The following CSMD3 variants were observed in gnomAD, a reference collection of about 807,000 sequenced individuals.
The protein encoded by CSMD3 is CUB and sushi domain-containing protein 3.
Under a neutral mutation model 435.2 loss-of-function variants are expected in CSMD3, and 177 were observed. That is an observed-to-expected ratio of 0.41 (90% CI 0.36 to 0.46). The LOEUF (loss-of-function observed/expected upper bound fraction) is 0.46, where lower values mean the gene tolerates loss of function less well. Among genes scored for constraint, CSMD3 ranks in the 20% least tolerant of loss-of-function variants. The probability of loss-of-function intolerance (pLI) is 0.34; values close to 1 mark genes in which losing one functional copy is unlikely to be tolerated. For missense variants in CSMD3, 4,265 were observed against 4,504.6 expected (o/e 0.95, Z 1.52); for synonymous variants, 1,656 against 1,520.5 (o/e 1.09, Z -2.07).
At position 112,234,463 on chromosome 8, in the gene CSMD3, G is replaced by T. The variant is rs781298518; in HGVS notation, c.10642C>A (p.Gln3548Lys). 3 of 1,605,490 alleles carry T rather than the reference G, an allele frequency of 1.9e-6. No homozygotes were observed. In the Admixed American group the frequency reaches 5.0e-5, roughly 27 times the overall value. ...ELLLSGVYKS[Q>K]EARLMLRIYL... is the part of the protein sequence containing the mutation. ...ATGCGTAACATTAGGCGAGCTTCCT[G>T]GCTTTTATATACCCCTGTAAAATGC... Residue 3548 changes from glutamine to lysine, a missense_variant, in exon 68 of 71, where the codon CAG (glutamine) becomes AAG (lysine). Around this residue, in one of 3 missense-constraint regions of CSMD3, gnomAD observed 3,255 missense variants for 3,380.2 expected, o/e 0.96. Transcript: ENST00000297405.
intron 38 of CSMD3, among the ~76,000 whole-genome samples, chr8:112,355,229 C>A (rs565119745): frequency 9.8e-4 from 149 of 152,244 alleles, no homozygotes; most frequent in Admixed American, 2.4e-3. Context: ...AAATGTAAGA[C>A]ATCAAATTTC....
At chr8:112,805,856 A>C (rs1197746403) in intron 12 of CSMD3, among the ~76,000 whole-genome samples, 1 of 152,202 alleles carries the variant, frequency 6.6e-6, no homozygotes, top group Non-Finnish European at 1.5e-5. Flanking sequence ...AAAAAACTTA[A>C]AGAAATTTGT....
intron 10 of CSMD3, among the ~76,000 whole-genome samples, chr8:112,899,808 CAT>C (rs35343113): frequency 1.6e-4 from 23 of 143,792 alleles, no homozygotes; most frequent in East Asian, 2.0e-4. Flanking sequence ...CAACCAGTGT[CAT>C]ATATATATAT....
chr8:113,243,218 C>G (rs1347749658), intron 3 of CSMD3, among the ~76,000 whole-genome samples: 3 of 151,944 alleles, frequency 2.0e-5, no homozygotes, highest in Non-Finnish European at 4.4e-5. Flanking sequence ...TCCACACATT[C>G]TTTCTTTAAA....
At chr8:112,846,599 A>G (rs1441513268) in intron 11 of CSMD3, among the ~76,000 whole-genome samples, 1 of 151,726 alleles carries the variant, frequency 6.6e-6, no homozygotes, top group African/African-American at 2.4e-5. Context: ...TTGTAGAAAA[A>G]GGGTCTTGCT....
intron 32 of CSMD3, among the ~76,000 whole-genome samples, chr8:112,471,191 C>A (rs903973565): frequency 2.0e-5 from 3 of 152,074 alleles, no homozygotes; most frequent in Admixed American, 1.3e-4. Context: ...GCCACATGGC[C>A]TCCCAAGAAC....
Position 112,305,782 on chromosome 8 carries a change from C to G in CSMD3, c.8071+225G>C, listed in dbSNP as rs143833564. ...AACATCATTGTATAAAATAAAAGTG[C>G]CTTTTTTGACATAAATATTCTGAGG... On this transcript the variant is annotated intron_variant, in intron 51 of 70. Transcript: ENST00000297405. Among the ~76,000 whole-genome samples, 597 of 152,050 alleles carry G rather than the reference C, an allele frequency of 3.9e-3. 3 individuals are homozygous for G. Among genetic ancestry groups the G allele is most frequent in the South Asian group, 0.013 (61 of 4,812 alleles).
chr8:112,685,217 T>C (rs1426693611), intron 15 of CSMD3, among the ~76,000 whole-genome samples, 189 bp downstream of exon 15: 2 of 152,126 alleles, frequency 1.3e-5, no homozygotes, highest in Non-Finnish European at 2.9e-5. Flanking sequence ...AAAGGAAATG[T>C]ATTAATATAA....
chr8:112,298,610 T>C (rs1473400985), intron 53 of CSMD3, among the ~76,000 whole-genome samples: 1 of 152,030 alleles, frequency 6.6e-6, no homozygotes, highest in Non-Finnish European at 1.5e-5. Context: ...AACAAGAATA[T>C]GTAAAGAACT....
intron 65 of CSMD3, 62 bp from the exon 66 acceptor site, chr8:112,241,847 C>CAT: frequency 6.5e-6 from 5 of 771,998 alleles, no homozygotes; most frequent in Non-Finnish European, 1.1e-5. Flanking sequence ...CACATGCGCA[C>CAT]ACACACACAC....
intron 10 of CSMD3, among the ~76,000 whole-genome samples, chr8:112,874,240 G>A (rs185538371): frequency 6.6e-6 from 1 of 152,208 alleles, no homozygotes; most frequent in African/African-American, 2.4e-5. Flanking sequence ...TCTTAATCCC[G>A]ACTTCTAATT....
At chr8:112,968,805 G>A (rs775911889) in intron 7 of CSMD3, among the ~76,000 whole-genome samples, 54 of 151,820 alleles carry the variant, frequency 3.6e-4, no homozygotes, top group Non-Finnish European at 7.4e-4. Flanking sequence ...CCTGATAATT[G>A]ATTACTTGCT....
intron 40 of CSMD3, among the ~76,000 whole-genome samples, chr8:112,347,246 A>G (rs970637165): frequency 1.3e-5 from 2 of 152,196 alleles, no homozygotes; most frequent in African/African-American, 4.8e-5. Context: ...AGAACCCTTG[A>G]GCATATATGA....
rs2130989887 is a variant in CSMD3 at position 112,517,193 on chromosome 8, C to A, written c.4597G>T (p.Val1533Phe). The change falls in exon 28 of 71, where the codon GTC becomes TTC. Residue 1533 changes from valine (V) to phenylalanine (F), a missense_variant. Coordinates refer to ENST00000297405, the MANE Select transcript of CSMD3 (RefSeq NM_198123.2). ...SVATACRDPGVPMNGTRNGDG... is the reference protein window; with the variant it reads ...SVATACRDPGFPMNGTRNGDG... ...CCATTTCGAGTCCCATTCATGGGGA[C>A]CCCTGGGTCACGACACGCAGTGGCA... is the stretch of plus-strand genomic sequence containing the variant. The A allele has an allele frequency of 6.2e-7, 1 of 1,613,596 alleles. No individual in the cohort carries two copies. Among genetic ancestry groups the A allele is most frequent in the South Asian group, 1.1e-5 (1 of 91,066 alleles).
intron 1 of CSMD3, among the ~76,000 whole-genome samples, chr8:113,434,472 T>C (rs1355792913): frequency 1.3e-5 from 2 of 152,166 alleles, no homozygotes; most frequent in South Asian, 2.1e-4. Flanking sequence ...ACTATCAAAA[T>C]TGGCATCATT....
chr8:113,247,978 TCAACAAATAAGG>T (rs1171208896), intron 3 of CSMD3, among the ~76,000 whole-genome samples: 10 of 151,992 alleles, frequency 6.6e-5, no homozygotes, highest in African/African-American at 2.4e-4. Flanking sequence ...GAAGATTAAG[TCAACAAATAAGG>T]CAGAACCATA....
intron 45 of CSMD3, among the ~76,000 whole-genome samples, chr8:112,334,219 G>C (rs1235702602): frequency 6.6e-6 from 1 of 152,052 alleles, no homozygotes; most frequent in Non-Finnish European, 1.5e-5. Context: ...GGATCACTAT[G>C]GAGAAACTAA....
chr8:113,087,561 A>G lies in CSMD3; in HGVS notation c.917+11195T>C, dbSNP rs530346773. On this transcript the variant is annotated intron_variant, in intron 5 of 70. Transcript: ENST00000297405. ...CCCTCAGAAATAATGCCGCATATCT[A>G]CAACTATCTGATCTTTGACAAACCT... 7.9e-5 allele frequency among the ~76,000 whole-genome samples: 12 copies of G among 152,244 alleles called. No homozygotes were observed. The South Asian group carries it at 1.2e-3, about 16-fold the overall frequency.
intron 38 of CSMD3, among the ~76,000 whole-genome samples, chr8:112,353,674 C>G (rs923707735): frequency 6.6e-6 from 1 of 152,002 alleles, no homozygotes; most frequent in Non-Finnish European, 1.5e-5. Context: ...AAACCCTGAA[C>G]AGACCACTGA....
Sources: gnomAD v4.1 joint callset for allele counts (sites outside exome capture counted in the v4.1 genomes callset) on GRCh38, gnomAD v4.1.1 for gene constraint, gnomAD v4.1.1 regional missense constraint, MANE v1.5 for transcripts, NCBI Gene and HGNC (gene_info 2026-07-23, HGNC 2026-07-21) for gene names.